TPST1: variants seen among roughly 807,000 people sequenced by gnomAD.
TPST1 encodes the protein protein-tyrosine sulfotransferase 1.
Under a neutral mutation model 34.8 loss-of-function variants are expected in TPST1, and 20 were observed. That is an observed-to-expected ratio of 0.57 (90% CI 0.40 to 0.84). The LOEUF (loss-of-function observed/expected upper bound fraction) is 0.84. Among genes scored for constraint, TPST1 ranks in the 40% least tolerant of loss-of-function variants. The pLI, the probability that TPST1 is intolerant of heterozygous loss-of-function variation, is 0.00. For missense variants in TPST1, 353 were observed against 455.5 expected (o/e 0.78, Z 2.05); for synonymous variants, 152 against 159.4 (o/e 0.95, Z 0.35).
intron 1 of TPST1, among the ~76,000 whole-genome samples, chr7:66,227,027 G>GTTTTTTTTTTTTTTTT (rs1390977469): frequency 1.1e-4 from 5 of 46,036 alleles, no homozygotes; most frequent in African/African-American, 5.6e-4. Flanking sequence ...CTTAAAATAA[G>GTTTTTTTTTTTTTTTT]CTTTTTTTTT....
intron 1 of TPST1, among the ~76,000 whole-genome samples, chr7:66,211,141 A>AT (rs557181190): frequency 6.6e-4 from 98 of 148,074 alleles, no homozygotes; most frequent in Non-Finnish European, 7.6e-4. Context: ...TTTTATTTTT[A>AT]TTTTTTTTTT....
intron 2 of TPST1, among the ~76,000 whole-genome samples, chr7:66,242,290 A>T (rs1790051924): frequency 6.6e-6 from 1 of 152,100 alleles, no homozygotes; most frequent in South Asian, 2.1e-4. Context: ...ATACATATAT[A>T]AAAAGAAATA....
chr7:66,226,816 G>T (rs1258024632), intron 1 of TPST1, among the ~76,000 whole-genome samples: 1 of 151,998 alleles, frequency 6.6e-6, no homozygotes, highest in African/African-American at 2.4e-5. Flanking sequence ...TAGTAAAGAG[G>T]GAGTTGCCTT....
At chr7:66,257,870 A>G (rs1210535483) in intron 2 of TPST1, among the ~76,000 whole-genome samples, 1 of 152,234 alleles carries the variant, frequency 6.6e-6, no homozygotes, top group African/African-American at 2.4e-5. Flanking sequence ...ACCATTTTCC[A>G]AGTAGCCCAC....
chr7:66,320,429 A>G (rs1016600681), intron 3 of TPST1, among the ~76,000 whole-genome samples: 10 of 150,076 alleles, frequency 6.7e-5, no homozygotes, highest in African/African-American at 2.2e-4. Flanking sequence ...TTGTATTTTT[A>G]GTAGAGGCGG....
intron 5 of TPST1, among the ~76,000 whole-genome samples, chr7:66,359,680 G>A (rs930602468): frequency 6.6e-6 from 1 of 152,202 alleles, no homozygotes; most frequent in Non-Finnish European, 1.5e-5. Context: ...CTACTTGCAT[G>A]CATCTGAAAG....
chr7:66,342,848 C>T (rs1435498032), intron 3 of TPST1, among the ~76,000 whole-genome samples: 1 of 152,112 alleles, frequency 6.6e-6, no homozygotes, highest in African/African-American at 2.4e-5. Flanking sequence ...GGGATCTGGC[C>T]CCATGACCCA....
intron 3 of TPST1, among the ~76,000 whole-genome samples, chr7:66,320,088 G>A (rs1050077546): frequency 2.6e-5 from 4 of 152,012 alleles, no homozygotes; most frequent in Non-Finnish European, 5.9e-5. Context: ...CTCTTTTACT[G>A]AGACATTCCA....
intron 3 of TPST1, among the ~76,000 whole-genome samples, chr7:66,344,869 G>A (rs1225802660): frequency 6.6e-6 from 1 of 151,340 alleles, no homozygotes; most frequent in Non-Finnish European, 1.5e-5. Context: ...GACTACAGGT[G>A]CCTGCCAACA....
chr7:66,309,001 C>A (rs1266568503), intron 3 of TPST1, among the ~76,000 whole-genome samples: 2 of 152,182 alleles, frequency 1.3e-5, no homozygotes, highest in Admixed American at 1.3e-4. Flanking sequence ...CGGGTTCAAG[C>A]ACTTCTCCTG....
At chr7:66,275,020 C>T (rs1790778383) in intron 2 of TPST1, among the ~76,000 whole-genome samples, 1 of 151,964 alleles carries the variant, frequency 6.6e-6, no homozygotes, top group African/African-American at 2.4e-5. Context: ...CGGTGAAACC[C>T]CATCTCTACT....
chr7:66,257,852 T>C (rs1236336828), intron 2 of TPST1, among the ~76,000 whole-genome samples: 2 of 152,218 alleles, frequency 1.3e-5, no homozygotes, highest in African/African-American at 4.8e-5. Context: ...ATGACAGAAT[T>C]ACTGGGAACC....
intron 2 of TPST1, among the ~76,000 whole-genome samples, chr7:66,243,961 T>C (rs1424910164): frequency 1.2e-5 from 1 of 86,872 alleles, no homozygotes; most frequent in Non-Finnish European, 2.5e-5. Flanking sequence ...TTTTTTTTTT[T>C]TCTTCGAGAC....
chr7:66,243,631 AT>A (rs1299716219), intron 2 of TPST1, among the ~76,000 whole-genome samples: 1 of 69,948 alleles, frequency 1.4e-5, no homozygotes, highest in East Asian at 3.9e-4. Context: ...TTTTTTTTGT[AT>A]TTTTGGTAGA....
chr7:66,213,790 A>T (rs575785246), intron 1 of TPST1, among the ~76,000 whole-genome samples: 2 of 151,844 alleles, frequency 1.3e-5, no homozygotes, highest in Non-Finnish European at 2.9e-5. Flanking sequence ...TCTCTGTCAG[A>T]TCATTCCAAC....
intron 1 of TPST1, among the ~76,000 whole-genome samples, chr7:66,216,481 T>C (rs1240268969): frequency 6.6e-6 from 1 of 151,750 alleles, no homozygotes; most frequent in Non-Finnish European, 1.5e-5. Flanking sequence ...TTTTCTTTTT[T>C]TTTTTTGAGA....
chr7:66,231,122 G>T (rs1262692289), intron 1 of TPST1, among the ~76,000 whole-genome samples: 1 of 152,168 alleles, frequency 6.6e-6, no homozygotes, highest in Non-Finnish European at 1.5e-5. Context: ...AGAGCAGCTA[G>T]ATACAGAGTG....
intron 2 of TPST1, among the ~76,000 whole-genome samples, chr7:66,261,846 A>G (rs1790495706): frequency 6.6e-6 from 1 of 152,176 alleles, no homozygotes; most frequent in South Asian, 2.1e-4. Context: ...TGCATTAATA[A>G]TATGTAAAGA....
intron 1 of TPST1, among the ~76,000 whole-genome samples, chr7:66,224,698 TTATAAAATTTGCAA>T (rs1375097025): frequency 6.6e-6 from 1 of 152,108 alleles, no homozygotes; most frequent in Admixed American, 6.6e-5. Context: ...CAATCTTAGT[TTATAAAATTTGCAA>T]ATATGTAAGT....
Sources: allele counts gnomAD v4.1 joint callset (sites outside exome capture counted in the v4.1 genomes callset), GRCh38; gene constraint gnomAD v4.1.1; transcripts MANE v1.5; gene names NCBI Gene and HGNC (gene_info 2026-07-23, HGNC 2026-07-21).